The following PCDH15 variants were observed in gnomAD, a reference collection of about 807,000 sequenced individuals.
PCDH15 encodes protocadherin-15.
A neutral mutation model predicts 178.5 loss-of-function variants in PCDH15; 129 were observed. The ratio of observed to expected loss-of-function variants is 0.72; its 90% CI spans 0.63 to 0.84. The LOEUF (loss-of-function observed/expected upper bound fraction) is 0.84, where lower values mean the gene tolerates loss of function less well. PCDH15 is among the 40% of genes least tolerant of loss of function. The pLI is 0.00. For missense variants in PCDH15, 2,230 were observed against 2,099.9 expected, an observed-to-expected ratio of 1.06 and a Z score of -1.21; for synonymous variants, 800 against 732.0, an observed-to-expected ratio of 1.09 and a Z score of -1.50.
At chr10:54,100,560 T>C (rs958751894) in intron 15 of PCDH15, among the ~76,000 whole-genome samples, 27 of 152,180 alleles carry the variant, frequency 1.8e-4, no homozygotes, top group African/African-American at 6.0e-4. Flanking sequence ...GTCATGATGA[T>C]AGAATGAAAG....
At chr10:55,131,948 T>C (rs1591927584) in intron 2 of PCDH15, among the ~76,000 whole-genome samples, 1 of 151,944 alleles carries the variant, frequency 6.6e-6, no homozygotes, top group Non-Finnish European at 1.5e-5. Flanking sequence ...CCTACCCCTT[T>C]CCCCCCAGGA....
At chr10:54,599,394 A>G (rs1298466389) in intron 2 of PCDH15, among the ~76,000 whole-genome samples, 1 of 152,074 alleles carries the variant, frequency 6.6e-6, no homozygotes, top group Non-Finnish European at 1.5e-5. Context: ...CTGACAAAAA[A>G]TAAGTAATGG....
At chr10:54,696,301 G>C (rs1298567657) in intron 1 of PCDH15, among the ~76,000 whole-genome samples, 4 of 152,068 alleles carry the variant, frequency 2.6e-5, no homozygotes, top group Non-Finnish European at 5.9e-5. Context: ...ACTAGAATTA[G>C]AAGTGGAGCC....
Position 54,447,622 on chromosome 10 carries a change from C to G in PCDH15, c.158-68680G>C, listed in dbSNP as rs763768829. On this transcript the variant is annotated intron_variant, in intron 3 of 37. Transcript: ENST00000644397. ...AGATCTGTTACTGAGGTAATCAAAG[C>G]TTACTGGACAATTATGTTATTTGAG... Among the ~76,000 whole-genome samples the G allele has an allele frequency of 3.5e-4, 53 of 151,468 alleles. 1 individual carries two copies. Among genetic ancestry groups the G allele is most frequent in the Admixed American group, 6.0e-4 (9 of 15,120 alleles).
At chr10:54,334,850 G>T (rs1361711) in intron 6 of PCDH15, among the ~76,000 whole-genome samples, 97,898 of 151,974 alleles carry the variant, frequency 0.64, 32,289 homozygotes, top group Middle Eastern at 0.8. Flanking sequence ...CTTGTTCTTT[G>T]ACACTTTTTT....
intron 2 of PCDH15, among the ~76,000 whole-genome samples, chr10:55,110,540 A>C (rs573963543): frequency 6.6e-6 from 1 of 152,228 alleles, no homozygotes; most frequent in South Asian, 2.1e-4. Context: ...ACATGGATTC[A>C]AACTTTCAGT....
intron 1 of PCDH15, among the ~76,000 whole-genome samples, chr10:54,722,908 T>C (rs545730196): frequency 6.6e-6 from 1 of 151,734 alleles, no homozygotes; most frequent in South Asian, 2.1e-4. Flanking sequence ...CAAAAACAAA[T>C]GGAAAACCAT....
chr10:55,144,882 T>C (rs1198669278), intron 2 of PCDH15, among the ~76,000 whole-genome samples: 5 of 152,024 alleles, frequency 3.3e-5, no homozygotes, highest in Non-Finnish European at 1.5e-5. Flanking sequence ...AAAAATAACA[T>C]ATAGCAGACT....
At chr10:54,125,473 A>G (rs2041912781) in intron 15 of PCDH15, among the ~76,000 whole-genome samples, 2 of 152,222 alleles carry the variant, frequency 1.3e-5, no homozygotes, top group Non-Finnish European at 2.9e-5. Context: ...AGGCTTATCA[A>G]GTAGATGTTT....
intron 18 of PCDH15, among the ~76,000 whole-genome samples, chr10:54,064,872 G>C (rs1383707748): frequency 2.0e-5 from 3 of 152,214 alleles, no homozygotes; most frequent in African/African-American, 7.2e-5. Context: ...TGCAGCCACA[G>C]CTGGGCAGCT....
At chr10:55,582,628 A>ATATATATTTTTTTTTT in intron 2 of PCDH15, among the ~76,000 whole-genome samples, 1 of 69,040 alleles carries the variant, frequency 1.4e-5, no homozygotes, top group Non-Finnish European at 2.5e-5. Flanking sequence ...ATATATATAT[A>ATATATATTTTTTTTTT]TTTTTTTTTT....
chr10:54,459,256 C>T (rs571636790), intron 3 of PCDH15, among the ~76,000 whole-genome samples: 3 of 152,042 alleles, frequency 2.0e-5, no homozygotes, highest in African/African-American at 2.4e-5. Context: ...AACAAGAAGG[C>T]GAATAATTAT....
At chr10:53,999,279 G>A (rs1321970488) in intron 20 of PCDH15, among the ~76,000 whole-genome samples, 1 of 152,118 alleles carries the variant, frequency 6.6e-6, no homozygotes, top group African/African-American at 2.4e-5. Flanking sequence ...TTACGTGGGT[G>A]TATGGTTGAT....
intron 3 of PCDH15, among the ~76,000 whole-genome samples, chr10:54,842,005 GGAAGAGGGTC>G (rs1470079819): frequency 3.3e-5 from 5 of 151,708 alleles, no homozygotes; most frequent in African/African-American, 1.2e-4. Flanking sequence ...TTTTCCAGGG[GGAAGAGGGTC>G]AAATTAAGAG....
chr10:54,442,378 CTCCT>C (rs533277951), intron 3 of PCDH15, among the ~76,000 whole-genome samples: 1,221 of 33,038 alleles, frequency 0.037, 41 homozygotes, highest in African/African-American at 0.085. Context: ...GAGGGACAGT[CTCCT>C]TTTTTTTTAA....
At chr10:54,457,102 G>A (rs1339383611) in intron 3 of PCDH15, among the ~76,000 whole-genome samples, 1 of 152,122 alleles carries the variant, frequency 6.6e-6, no homozygotes, top group Non-Finnish European at 1.5e-5. Context: ...GTTAAGGTAA[G>A]AGAGTAGTGT....
At chr10:54,617,690 G>C (rs1480137536) in intron 2 of PCDH15, among the ~76,000 whole-genome samples, 1 of 150,000 alleles carries the variant, frequency 6.7e-6, no homozygotes, top group African/African-American at 2.5e-5. Context: ...CGAGGTGGGA[G>C]GATCACAAGG....
intron 7 of PCDH15, among the ~76,000 whole-genome samples, chr10:54,323,998 T>C (rs1217268995): frequency 6.6e-6 from 1 of 152,140 alleles, no homozygotes; most frequent in Non-Finnish European, 1.5e-5. Context: ...CATGTATCTT[T>C]AGTAGCCAAA....
intron 14 of PCDH15, among the ~76,000 whole-genome samples, chr10:54,137,777 T>C (rs72797051): frequency 0.03 from 4,540 of 152,308 alleles, 89 homozygotes; most frequent in Middle Eastern, 0.082. Context: ...TCTTTGACAA[T>C]TGTTGTTCAG....
Sources: gnomAD v4.1 joint callset for allele counts (sites outside exome capture counted in the v4.1 genomes callset) on GRCh38, gnomAD v4.1.1 for gene constraint, MANE v1.5 for transcripts, NCBI Gene and HGNC (gene_info 2026-07-23, HGNC 2026-07-21) for gene names.